VPS13B: variants seen among roughly 807,000 people sequenced by gnomAD.
VPS13B encodes intermembrane lipid transfer protein VPS13B.
A neutral mutation model predicts 426.4 loss-of-function variants in VPS13B; 285 were observed. The ratio of observed to expected loss-of-function variants is 0.67; its 90% CI spans 0.61 to 0.74. The LOEUF is 0.74. VPS13B is among the 30% of genes least tolerant of loss of function. The probability of loss-of-function intolerance (pLI) is 0.00; values close to 1 mark genes in which losing one functional copy is unlikely to be tolerated. For missense variants in VPS13B, 4,537 were observed against 4,782.6 expected, an observed-to-expected ratio of 0.95 and a Z score of 1.51; for synonymous variants, 1,676 against 1,676.4, an observed-to-expected ratio of 1.00 and a Z score of 0.01.
intron 2 of VPS13B, among the ~76,000 whole-genome samples, chr8:99,035,272 AC>A (rs1842691681): frequency 6.6e-6 from 1 of 152,242 alleles, no homozygotes; most frequent in African/African-American, 2.4e-5. Context: ...GATCTTCAGA[AC>A]TTTTTTGTCT....
chr8:99,365,974 T>G (rs374572458), intron 19 of VPS13B, among the ~76,000 whole-genome samples: 129 of 151,998 alleles, frequency 8.5e-4, no homozygotes, highest in South Asian at 2.7e-3. Context: ...TTTTGTTGTT[T>G]TTTTTTTTTA....
intron 27 of VPS13B, among the ~76,000 whole-genome samples, chr8:99,504,839 C>A (rs1412344481): frequency 1.3e-5 from 2 of 152,176 alleles, no homozygotes; most frequent in African/African-American, 4.8e-5. Context: ...CAGGCATTGA[C>A]TTCTCCTCTC....
chr8:99,467,788 T>G (rs1186319674), intron 24 of VPS13B, among the ~76,000 whole-genome samples, 154 bp downstream of exon 24: 4 of 152,218 alleles, frequency 2.6e-5, no homozygotes, highest in African/African-American at 9.6e-5. Flanking sequence ...AGAATTGCTT[T>G]GAAGCTCTCT....
At chr8:99,776,033 C>G (rs531482430) in intron 40 of VPS13B, among the ~76,000 whole-genome samples, 1 of 152,130 alleles carries the variant, frequency 6.6e-6, no homozygotes, top group Non-Finnish European at 1.5e-5. Flanking sequence ...TTTTATGGCA[C>G]CCGTTACAGT....
chr8:99,185,749 A>G (rs550342384), intron 16 of VPS13B, among the ~76,000 whole-genome samples: 2 of 152,270 alleles, frequency 1.3e-5, no homozygotes, highest in South Asian at 2.1e-4. Flanking sequence ...GGATTGTTTA[A>G]TTTCTTTGCA....
intron 3 of VPS13B, among the ~76,000 whole-genome samples, chr8:99,044,343 A>G (rs977328368): frequency 6.6e-5 from 10 of 151,678 alleles, no homozygotes; most frequent in Non-Finnish European, 1.3e-4. Flanking sequence ...TCAGCCTCCG[A>G]AAGTGCTGAG....
intron 39 of VPS13B, among the ~76,000 whole-genome samples, chr8:99,751,634 T>G (rs563057814): frequency 1.3e-5 from 2 of 152,212 alleles, no homozygotes; most frequent in Admixed American, 1.3e-4. Context: ...GTATACTTGA[T>G]AGGCTAATTA....
intron 19 of VPS13B, among the ~76,000 whole-genome samples, chr8:99,375,777 T>C (rs562197861): frequency 6.6e-6 from 1 of 152,358 alleles, no homozygotes; most frequent in African/African-American, 2.4e-5. Context: ...AATCTACAAA[T>C]TTCTTTACTA....
In VPS13B at chr8:99,859,412, G is replaced by A. The variant is rs370507425; in HGVS notation, c.10976G>A (p.Arg3659Gln). 20 of 1,614,002 alleles carry A rather than the reference G, an allele frequency of 1.2e-5. No homozygotes were observed. The highest frequency in any genetic ancestry group is 1.6e-4 in the Middle Eastern group (1 of 6,082). Residue 3659 changes from arginine to glutamine, a missense_variant, in exon 57 of 62, where the codon CGG (arginine) becomes CAG (glutamine). Arg to Gln is a conservative substitution (Grantham distance 43). This residue lies in a region of VPS13B where 4,311 missense variants were observed against 4,474.3 expected (regional missense o/e 0.96). Transcript: ENST00000357162. ...AGGCTTCCGTATGAGGGGCTGACCC[G>A]GGGCCCTGGAGCCTTCGTGAGTGGC... Reference protein sequence around the residue: ...FFRLPYEGLTRGPGAFVSGVS... With the variant: ...FFRLPYEGLTQGPGAFVSGVS...
At chr8:99,422,485 G>A (rs995184288) in intron 21 of VPS13B, among the ~76,000 whole-genome samples, 5 of 151,856 alleles carry the variant, frequency 3.3e-5, no homozygotes, top group South Asian at 2.1e-4. Context: ...ATTTTTCATC[G>A]GTAGGTTTTT....
At chr8:99,548,040 T>C (rs1824083690) in intron 30 of VPS13B, among the ~76,000 whole-genome samples, 1 of 152,098 alleles carries the variant, frequency 6.6e-6, no homozygotes, top group Non-Finnish European at 1.5e-5. Context: ...TTTTTTATTA[T>C]AAGATGTTTA....
At chr8:99,045,885 A>G (rs960964933) in intron 3 of VPS13B, among the ~76,000 whole-genome samples, 1 of 152,122 alleles carries the variant, frequency 6.6e-6, no homozygotes, top group South Asian at 2.1e-4. Flanking sequence ...TGGGTTCTCT[A>G]TTCTGTTTCA....
chr8:99,632,207 T>C (rs1171916450), intron 33 of VPS13B, among the ~76,000 whole-genome samples: 1 of 152,078 alleles, frequency 6.6e-6, no homozygotes, highest in East Asian at 1.9e-4. Context: ...CCAGGTATGA[T>C]TAAAATTTAC....
At chr8:99,564,538 T>C (rs1489420856) in intron 31 of VPS13B, among the ~76,000 whole-genome samples, 5 of 151,892 alleles carry the variant, frequency 3.3e-5, no homozygotes, top group Non-Finnish European at 7.4e-5. Context: ...GGGTCAAGAG[T>C]CAGGAAGAAG....
intron 19 of VPS13B, among the ~76,000 whole-genome samples, chr8:99,378,842 T>G (rs1813639661): frequency 6.6e-6 from 1 of 152,196 alleles, no homozygotes; most frequent in Non-Finnish European, 1.5e-5. Flanking sequence ...TGACAGATCA[T>G]AATTTATGGG....
At chr8:99,134,502 C>T (rs1809967866) in intron 8 of VPS13B, 130 bp from the exon 9 acceptor site, 1 of 714,694 alleles carries the variant, frequency 1.4e-6, no homozygotes, top group Admixed American at 2.9e-5. Flanking sequence ...GTTGCACCTG[C>T]TTTCCTGCTT....
chr8:99,627,540 C>T (rs940952682), intron 33 of VPS13B, among the ~76,000 whole-genome samples: 6 of 152,246 alleles, frequency 3.9e-5, no homozygotes, highest in East Asian at 1.9e-4. Context: ...CACACCACCA[C>T]GCCCAGCTAA....
intron 30 of VPS13B, among the ~76,000 whole-genome samples, chr8:99,549,003 TA>T (rs1824137771): frequency 1.3e-5 from 2 of 152,104 alleles, no homozygotes; most frequent in African/African-American, 4.8e-5. Flanking sequence ...TTATAATTTG[TA>T]ATAGAAATTT....
intron 17 of VPS13B, chr8:99,209,569 T>A (rs1345893905): frequency 3.9e-6 from 1 of 257,292 alleles, no homozygotes; most frequent in Non-Finnish European, 7.6e-6. Context: ...AATAACAATT[T>A]TTTTTTTTTT....
Sources: gnomAD v4.1 joint callset for allele counts (sites outside exome capture counted in the v4.1 genomes callset) on GRCh38, gnomAD v4.1.1 for gene constraint, gnomAD v4.1.1 regional missense constraint, MANE v1.5 for transcripts, NCBI Gene and HGNC (gene_info 2026-07-23, HGNC 2026-07-21) for gene names.